Variants in MRPS27 observed in about 807,000 individuals in gnomAD.
MRPS27 encodes small ribosomal subunit protein mS27.
A neutral mutation model predicts 48.9 loss-of-function variants in MRPS27; 43 were observed. The observed-to-expected ratio is 0.88, with a 90% CI of 0.69 to 1.13. The LOEUF is 1.13. MRPS27 is among the 50% of genes most tolerant of loss of function. The pLI is 0.00. For synonymous variants in MRPS27, 188 were observed against 171.9 expected (o/e 1.09, Z -0.73); for missense variants, 467 against 476.3 (o/e 0.98, Z 0.18).
At chr5:72,221,203 T>C (rs1747731421) in intron 10 of MRPS27, 55 bp from the exon 11 acceptor site, 4 of 1,583,354 alleles carry the variant, frequency 2.5e-6, no homozygotes, top group Non-Finnish European at 1.7e-6. Context: ...GAGAGAAAGA[T>C]ACAAAGAGGA....
At chr5:72,279,268 G>A (rs956166276) in intron 4 of MRPS27, among the ~76,000 whole-genome samples, 1 of 152,112 alleles carries the variant, frequency 6.6e-6, no homozygotes, top group African/African-American at 2.4e-5. Context: ...CTGCCAATAT[G>A]GTTTTTTATT....
intron 4 of MRPS27, among the ~76,000 whole-genome samples, chr5:72,248,101 A>C (rs988219921): frequency 2.6e-5 from 4 of 152,266 alleles, no homozygotes; most frequent in Non-Finnish European, 4.4e-5. Context: ...AGTAAAACTC[A>C]GTATGACTAT....
chr5:72,234,220 AG>A, intron 5 of MRPS27, 23 bp from the exon 6 acceptor site: 1 of 1,445,268 alleles, frequency 6.9e-7, no homozygotes. Flanking sequence ...TGAACATAAC[AG>A]GAAAAAAAGA....
chr5:72,281,808 T>C (rs556293122), intron 4 of MRPS27, among the ~76,000 whole-genome samples: 48 of 152,334 alleles, frequency 3.2e-4, no homozygotes, highest in African/African-American at 9.4e-4. Context: ...CTTGAACACA[T>C]AATTTCAGTG....
intron 9 of MRPS27, 35 bp downstream of exon 9, chr5:72,226,022 G>A (rs781534611): frequency 3.0e-5 from 48 of 1,589,370 alleles, no homozygotes; most frequent in Non-Finnish European, 4.1e-5. Flanking sequence ...GAAACAGATG[G>A]CTAAATCTCA....
chr5:72,298,316 A>T (rs958034346), intron 2 of MRPS27, among the ~76,000 whole-genome samples: 5 of 152,244 alleles, frequency 3.3e-5, no homozygotes, highest in African/African-American at 1.2e-4. Flanking sequence ...ATGCAAATAA[A>T]AACCACAATG....
intron 4 of MRPS27, 58 bp from the exon 5 acceptor site, chr5:72,238,186 C>A: frequency 8.7e-7 from 1 of 1,146,444 alleles, no homozygotes; most frequent in Non-Finnish European, 1.3e-6. Flanking sequence ...TAAAACACAT[C>A]TTCCATCGAT....
chr5:72,313,160 T>G (rs1460491770), intron 2 of MRPS27, among the ~76,000 whole-genome samples: 1 of 152,144 alleles, frequency 6.6e-6, no homozygotes, highest in Non-Finnish European at 1.5e-5. Flanking sequence ...CACAGCCAAC[T>G]CTGCTTGTGC....
At chr5:72,264,527 T>G (rs1749062566) in intron 4 of MRPS27, among the ~76,000 whole-genome samples, 1 of 152,210 alleles carries the variant, frequency 6.6e-6, no homozygotes, top group Non-Finnish European at 1.5e-5. Flanking sequence ...TACGGTCTTT[T>G]GCAGATGTAA....
In MRPS27 at chr5:72,280,685, A is replaced by T. The variant is rs6891248; in HGVS notation, c.281+14846T>A. Among the ~76,000 whole-genome samples, 955 of 152,324 alleles carry T rather than the reference A, an allele frequency of 6.3e-3. 4 individuals are homozygous for T. The highest frequency in any genetic ancestry group is 0.022 in the African/African-American group (916 of 41,572). ...AACTAAAATCTCTGGAAGCAGTTCC[A>T]CAATTTCTATTTCAATTGCTTACAT... is the stretch of plus-strand genomic sequence containing the variant. On this transcript the variant is annotated intron_variant, in intron 4 of 10. Transcript: ENST00000261413.
chr5:72,261,172 A>C (rs1234551729), intron 4 of MRPS27, among the ~76,000 whole-genome samples: 1 of 152,170 alleles, frequency 6.6e-6, no homozygotes, highest in Non-Finnish European at 1.5e-5. Context: ...CAATCACTAC[A>C]TTTAAATGGA....
chr5:72,255,195 C>T (rs1235778037), intron 4 of MRPS27, among the ~76,000 whole-genome samples: 1 of 151,226 alleles, frequency 6.6e-6, no homozygotes, highest in East Asian at 2.0e-4. Flanking sequence ...GGATTACGGG[C>T]ATGTGCCACC....
At chr5:72,235,249 A>G (rs1249112108) in intron 5 of MRPS27, among the ~76,000 whole-genome samples, 1 of 152,144 alleles carries the variant, frequency 6.6e-6, no homozygotes, top group East Asian at 1.9e-4. Context: ...AAACCAAAAT[A>G]TTTTAGGATG....
At chr5:72,224,521 A>C (rs12109153) in intron 9 of MRPS27, among the ~76,000 whole-genome samples, 2,979 of 152,268 alleles carry the variant, frequency 0.02, 105 homozygotes, top group African/African-American at 0.067. Context: ...TTTCTTCCTC[A>C]ATCAGTTTGG....
chr5:72,233,562 T>C (rs1373070321), intron 6 of MRPS27, among the ~76,000 whole-genome samples: 4 of 152,144 alleles, frequency 2.6e-5, no homozygotes, highest in Admixed American at 2.0e-4. Flanking sequence ...GTTTTGCACA[T>C]GTCATGGTTC....
At chr5:72,267,679 T>A (rs79430001) in intron 4 of MRPS27, among the ~76,000 whole-genome samples, 22 of 152,164 alleles carry the variant, frequency 1.4e-4, no homozygotes, top group Non-Finnish European at 3.2e-4. Flanking sequence ...CCTCAAAAAG[T>A]ACACCTTAGT....
chr5:72,225,902 ATGTT>A (rs1356777560), intron 9 of MRPS27, among the ~76,000 whole-genome samples, 151 bp downstream of exon 9: 1 of 152,074 alleles, frequency 6.6e-6, no homozygotes, highest in Non-Finnish European at 1.5e-5. Flanking sequence ...AGCATTGAAA[ATGTT>A]TGTGGTTTTG....
At chr5:72,287,943 A>T (rs1461763490) in intron 4 of MRPS27, among the ~76,000 whole-genome samples, 1 of 152,222 alleles carries the variant, frequency 6.6e-6, no homozygotes, top group Non-Finnish European at 1.5e-5. Context: ...GCATCTATAC[A>T]AAGACTTGTG....
In MRPS27 at chr5:72,320,149, C is replaced by G; in HGVS notation, c.73G>C (p.Gly25Arg). Residue 25 changes from glycine (G) to arginine (R), a missense_variant and splice_region_variant, in exon 1 of 11, where the codon GGT becomes CGT. By Grantham distance (125) the Gly-to-Arg change is moderately radical. Transcript: ENST00000261413. Reference sequence around the variant, plus strand: ...GGCCTAATGAAGCTGTCCGGCCAACCTGCAGGAGAGAGCTGAGGAAGAACC... The same window carrying G: ...GGCCTAATGAAGCTGTCCGGCCAACGTGCAGGAGAGAGCTGAGGAAGAACC... ...QVVLPQLSPA[G>R]KRYLLSSAYV... is the part of the protein sequence containing the mutation. 1 of 1,613,928 alleles carries G rather than the reference C, an allele frequency of 6.2e-7. No homozygotes were observed. The highest frequency in any genetic ancestry group is 8.5e-7 in the Non-Finnish European group (1 of 1,179,832).
Sources: allele counts gnomAD v4.1 joint callset (sites outside exome capture counted in the v4.1 genomes callset), GRCh38; gene constraint gnomAD v4.1.1; transcripts MANE v1.5; gene names NCBI Gene and HGNC (gene_info 2026-07-23, HGNC 2026-07-21).